PIEZO1: variants seen among roughly 807,000 people sequenced by gnomAD.
PIEZO1 encodes the protein piezo type mechanosensitive ion channel component 1 (Er blood group), also known as piezo-type mechanosensitive ion channel component 1.
In PIEZO1, 296 loss-of-function variants were observed where a neutral mutation model predicts 297.2. The observed-to-expected ratio is 1.00, with a 90% confidence interval of 0.91 to 1.10. The LOEUF is 1.10. Ranked by LOEUF, PIEZO1 falls within the 50% of genes least tolerant of loss-of-function variation. The pLI is 0.00. For synonymous variants in PIEZO1, 2,427 were observed against 1,507.5 expected (o/e 1.61, Z -14.13); for missense variants, 5,018 against 3,455.5 (o/e 1.45, Z -11.34).
rs1361580082 is a variant in PIEZO1, at chr16:88,732,728, A to G, written c.2669T>C (p.Phe890Ser). The G allele has an allele frequency of 1.3e-6, 2 of 1,545,168 alleles. No homozygotes were observed. Among genetic ancestry groups the G allele is most frequent in the East Asian group, 2.4e-5 (1 of 40,840 alleles). The change falls in exon 20 of 51, where the codon TTC becomes TCC. Residue 890 changes from phenylalanine to serine, a missense_variant. Phe to Ser is a radical substitution (Grantham distance 155). Coordinates refer to ENST00000301015, the MANE Select transcript of PIEZO1 (RefSeq NM_001142864.4). ...QEYSSNCTEP[F>S]PNSTNLLPTE... ...GGGCAGCAAGTTGGTGCTGTTGGGGAAGGGCTGGCAAGAGGCCAGGCATCA... is the reference window on the plus strand; with the variant it reads ...GGGCAGCAAGTTGGTGCTGTTGGGGGAGGGCTGGCAAGAGGCCAGGCATCA...
rs1597446696 is a variant in PIEZO1 at position 88,723,170 on chromosome 16, T to G, written c.4439-19A>C. The G allele has an allele frequency of 6.5e-7, 1 of 1,549,432 alleles. No individual in the cohort carries two copies. The highest frequency in any genetic ancestry group is 8.7e-7 in the Non-Finnish European group (1 of 1,146,806). Reference sequence around the variant, plus strand: ...CCACCTCCTGGGCACAGGATGCTGGTGAGTGACTGGCAGTCCCGCGGCTTC... The same window carrying G: ...CCACCTCCTGGGCACAGGATGCTGGGGAGTGACTGGCAGTCCCGCGGCTTC... On this transcript the variant is annotated intron_variant, in intron 32 of 50. Coordinates refer to ENST00000301015, the MANE Select transcript of PIEZO1 (RefSeq NM_001142864.4).
intron 10 of PIEZO1, 112 bp downstream of exon 10, chr16:88,737,447 A>G: frequency 1.4e-6 from 1 of 690,298 alleles, no homozygotes; most frequent in Non-Finnish European, 2.4e-6. Flanking sequence ...AGGGGGCGGC[A>G]GGCAGAGGTG....
At chr16:88,733,837 C>G in intron 17 of PIEZO1, 69 bp downstream of exon 17, 1 of 1,461,474 alleles carries the variant, frequency 6.8e-7, no homozygotes, top group Non-Finnish European at 9.1e-7. Flanking sequence ...GGGACTCTGC[C>G]AACGCCCCCC....
In PIEZO1 at chr16:88,722,834, C is replaced by A; in HGVS notation, c.4668+3G>T. 1 of 1,544,774 alleles carries A rather than the reference C, an allele frequency of 6.5e-7. No individual in the cohort carries two copies. The highest frequency in any genetic ancestry group is 1.2e-5 in the South Asian group (1 of 84,024). ...GACGAGCGTGGTGCACGGGCAGGCT[C>A]ACCTGCAGGAGCTCCTGTGTGAGGA... On this transcript the variant is annotated splice_donor_region_variant and intron_variant, in intron 34 of 50. Transcript: ENST00000301015.
intron 1 of PIEZO1, among the ~76,000 whole-genome samples, chr16:88,754,960 C>G (rs1384269272): frequency 2.0e-5 from 3 of 152,256 alleles, no homozygotes; most frequent in African/African-American, 7.2e-5. Flanking sequence ...CCAGGCCCAG[C>G]AGCTGAACCT....
At position 88,723,115 on chromosome 16, in the gene PIEZO1, C is replaced by T. The variant is rs8051003; in HGVS notation, c.4475G>A (p.Gly1492Asp). 2.1e-3 allele frequency: 3,288 copies of T among 1,548,668 alleles called. 66 individuals carry two copies. In the African/African-American group the frequency reaches 0.038, roughly 18 times the overall value. ...GPSQEVEPAE[G>D]PEEAAAGRSH... ...CGTACCTGCCGCTGCCTCCTCGGGG[C>T]CCTCTGCTGGCTCCACCTCCTGGCT... Residue 1492 changes from glycine to aspartate, a missense_variant, in exon 33 of 51, where the codon GGC (glycine) becomes GAC (aspartate). Gly to Asp is a moderately conservative substitution (Grantham distance 94). Coordinates refer to ENST00000301015, the MANE Select transcript of PIEZO1 (RefSeq NM_001142864.4).
At position 88,735,135 on chromosome 16, in the gene PIEZO1, C is replaced by G; in HGVS notation, c.1669G>C (p.Glu557Gln). The G allele has an allele frequency of 6.5e-7, 1 of 1,550,172 alleles. No homozygotes were observed. Among genetic ancestry groups the G allele is most frequent in the Non-Finnish European group, 8.7e-7 (1 of 1,146,766 alleles). Residue 557 changes from glutamate to glutamine, a missense_variant and splice_region_variant, in exon 13 of 51, where the codon GAG (glutamate) becomes CAG (glutamine). By Grantham distance (29) the Glu-to-Gln change is conservative (BLOSUM62 2). Coordinates refer to ENST00000301015, the MANE Select transcript of PIEZO1 (RefSeq NM_001142864.4). ...ALTEVTVADT[E>Q]PTRTQTLLQS... ...CCCCCGCCTCTGGCCCACCACTCAC[C>G]TGTGTCTGCCACGGTGACCTCCGTC...
intron 1 of PIEZO1, among the ~76,000 whole-genome samples, chr16:88,781,285 C>G (rs528018095): frequency 1.3e-5 from 2 of 152,342 alleles, no homozygotes; most frequent in Admixed American, 1.3e-4. Flanking sequence ...CCCCACCCAC[C>G]CCCAGAGGAA....
chr16:88,751,447 G>A (rs934014537), intron 1 of PIEZO1, among the ~76,000 whole-genome samples: 2 of 152,136 alleles, frequency 1.3e-5, no homozygotes, highest in Non-Finnish European at 2.9e-5. Flanking sequence ...AAAGAATCGC[G>A]CTCGGCGCTG....
At chr16:88,779,290 C>T (rs575770117) in intron 1 of PIEZO1, among the ~76,000 whole-genome samples, 5 of 152,232 alleles carry the variant, frequency 3.3e-5, no homozygotes, top group Admixed American at 2.0e-4. Flanking sequence ...CCACCTGCCT[C>T]GGCTTCCCAA....
rs1240054817 is a variant in PIEZO1, at chr16:88,721,876, G to A, written c.5146C>T (p.Leu1716=). 6.5e-7 allele frequency: 1 copy of A among 1,549,920 alleles called. No homozygotes were observed. Among genetic ancestry groups the A allele is most frequent in the African/African-American group, 1.4e-5 (1 of 73,054 alleles). ...CTCGGGATCGACAGCATGGCCCACA[G>A]GAAGACGAGCACGGGCAGCACCAGC... ...GSLVLPVLVF[L]WAMLSIPRPS... Residue 1716 remains leucine, a synonymous_variant, in exon 37 of 51, where the codon CTG becomes TTG. Coordinates refer to ENST00000301015, the MANE Select transcript of PIEZO1 (RefSeq NM_001142864.4).
rs370663645 is a variant in PIEZO1, at chr16:88,749,450, G to T, written c.94C>A (p.Leu32Met). 227 of 1,524,278 alleles carry T rather than the reference G, an allele frequency of 1.5e-4. No individual in the cohort carries two copies. In the African/African-American group the frequency reaches 2.8e-3, roughly 19 times the overall value. The allele number at this position is 1,524,278 out of a possible 1,614,324, so 94.4% of individuals were successfully genotyped here. The change falls in exon 2 of 51, where the codon CTG (leucine) becomes ATG (methionine). Residue 32 changes from leucine (L) to methionine (M), a missense_variant. Leu to Met is a conservative substitution (Grantham distance 15). Transcript: ENST00000301015. ...ACLLRFSGLS[L>M]VYLLFLLLLP... ...AGCAGCAGGAAGAGCAGGTAGACCA[G>T]CGAGAGTCCGCTGAAGCGGAGCAGG...
intron 22 of PIEZO1, among the ~76,000 whole-genome samples, chr16:88,728,010 G>C (rs1380986236): frequency 6.6e-6 from 1 of 152,230 alleles, no homozygotes; most frequent in Non-Finnish European, 1.5e-5. Context: ...GAAGCTGCAC[G>C]GACGCCTGCA....
Position 88,736,335 on chromosome 16 carries a change from C to G in PIEZO1, c.1370G>C (p.Arg457Pro). 6.5e-7 allele frequency: 1 copy of G among 1,550,116 alleles called. No homozygotes were observed. The highest frequency in any genetic ancestry group is 8.7e-7 in the Non-Finnish European group (1 of 1,146,812). Residue 457 changes from arginine (R) to proline (P), a missense_variant, in exon 12 of 51, where the codon CGC becomes CCC. Transcript: ENST00000301015. ...CAGCATGGCCAGTTGGTGGCGGCTGCGCACCGTCCAGATGAGGCAGGCCCA... is the reference window on the plus strand; with the variant it reads ...CAGCATGGCCAGTTGGTGGCGGCTGGGCACCGTCCAGATGAGGCAGGCCCA... ...LLWACLIWTV[R>P]SRHQLAMLCS...
intron 1 of PIEZO1, among the ~76,000 whole-genome samples, chr16:88,762,914 A>G (rs531474801): frequency 7.0e-4 from 107 of 152,220 alleles, no homozygotes; most frequent in East Asian, 2.1e-3. Flanking sequence ...CCAGTCCCCA[A>G]TACGCCCGAG....
chr16:88,742,132 G>C, intron 3 of PIEZO1, 37 bp from the exon 4 acceptor site: 1 of 1,534,702 alleles, frequency 6.5e-7, no homozygotes, highest in Non-Finnish European at 8.7e-7. Context: ...GTCAGGCTCT[G>C]CCCAGCCAGC....
chr16:88,736,974 A>C, intron 10 of PIEZO1: 1 of 436,938 alleles, frequency 2.3e-6, no homozygotes, highest in Non-Finnish European at 4.1e-6. Context: ...AAAGGGTGGG[A>C]AAGGTGGCCC....
chr16:88,718,074 A>T, intron 44 of PIEZO1: 1 of 247,660 alleles, frequency 4.0e-6, no homozygotes. Flanking sequence ...CTATCTCAAA[A>T]GCCCAACTAA....
chr16:88,742,817 C>T, intron 2 of PIEZO1: 1 of 341,298 alleles, frequency 2.9e-6, no homozygotes, highest in South Asian at 2.3e-5. Flanking sequence ...GTGGGGGCTG[C>T]AGGTGGATGG....
Sources: allele counts gnomAD v4.1 joint callset (sites outside exome capture counted in the v4.1 genomes callset), GRCh38; gene constraint gnomAD v4.1.1; transcripts MANE v1.5; gene names NCBI Gene and HGNC (gene_info 2026-07-23, HGNC 2026-07-21).